CAV3: variants seen among roughly 807,000 people sequenced by gnomAD.
CAV3 encodes caveolin 3.
In CAV3, 10 loss-of-function variants were observed where a neutral mutation model predicts 13.4. The observed-to-expected ratio is 0.75, with a 90% CI of 0.46 to 1.27. CAV3 has a LOEUF of 1.27. CAV3 is among the 50% of genes most tolerant of loss of function. CAV3 has a pLI of 0.00. For synonymous variants in CAV3, 90 were observed against 79.0 expected (o/e 1.14, Z -0.74); for missense variants, 162 against 194.0 (o/e 0.83, Z 0.98).
intron 1 of CAV3, among the ~76,000 whole-genome samples, chr3:8,740,341 T>A (rs1707915034): frequency 6.8e-6 from 1 of 146,118 alleles, no homozygotes; most frequent in Admixed American, 6.9e-5. Flanking sequence ...TAATGGAGGG[T>A]CATCTTTGGA....
intron 1 of CAV3, among the ~76,000 whole-genome samples, chr3:8,740,523 T>C (rs1707921132): frequency 6.6e-6 from 1 of 152,118 alleles, no homozygotes. Flanking sequence ...CAGGGCTTAG[T>C]GGATTGCTGA....
At chr3:8,743,688 C>A (rs566026007) in intron 1 of CAV3, among the ~76,000 whole-genome samples, 1 of 152,138 alleles carries the variant, frequency 6.6e-6, no homozygotes, top group African/African-American at 2.4e-5. Flanking sequence ...AGCCTCAGAG[C>A]ACAGGGGGAT....
chr3:8,734,087 C>G (rs1188469811), intron 1 of CAV3, 97 bp downstream of exon 1: 3 of 736,738 alleles, frequency 4.1e-6, no homozygotes, highest in Non-Finnish European at 7.4e-6. Flanking sequence ...ACACAGTTTC[C>G]CTGAAAAGAG....
At chr3:8,735,328 T>C (rs1707716428) in intron 1 of CAV3, among the ~76,000 whole-genome samples, 2 of 152,246 alleles carry the variant, frequency 1.3e-5, no homozygotes, top group South Asian at 4.1e-4. Flanking sequence ...CAATGAGCTA[T>C]TGTACAGTCT....
chr3:8,743,542 TGGGGG>T (rs1708046940), intron 1 of CAV3, among the ~76,000 whole-genome samples: 1 of 152,196 alleles, frequency 6.6e-6, no homozygotes, highest in Non-Finnish European at 1.5e-5. Flanking sequence ...CAGAGAAAGC[TGGGGG>T]CCAAGATTAT....
At chr3:8,741,285 A>G (rs1306948538) in intron 1 of CAV3, among the ~76,000 whole-genome samples, 1 of 152,238 alleles carries the variant, frequency 6.6e-6, no homozygotes, top group African/African-American at 2.4e-5. Flanking sequence ...TACAAGCACC[A>G]ATGTTTATTG....
intron 1 of CAV3, among the ~76,000 whole-genome samples, chr3:8,736,697 C>T (rs1482846853): frequency 3.3e-5 from 5 of 152,210 alleles, no homozygotes; most frequent in Admixed American, 6.5e-5. Context: ...AGCGGCTTTA[C>T]GCAGCCCTCC....
chr3:8,744,368 T>A (rs1575475854), intron 1 of CAV3, among the ~76,000 whole-genome samples: 1 of 139,812 alleles, frequency 7.2e-6, no homozygotes, highest in Admixed American at 7.5e-5. Context: ...AAGCCCCGCC[T>A]CCCGGGTTTA....
In CAV3 at chr3:8,745,401, G is replaced by A; in HGVS notation, c.115-125G>A. On this transcript the variant is annotated intron_variant, in intron 1 of 1. Coordinates refer to ENST00000343849, the MANE Select transcript of CAV3 (RefSeq NM_033337.3). The surrounding 1 kb of genome is among the most constrained non-coding windows in gnomAD (Gnocchi z 4.8). ...AGCAATGCAAGAATAGCCTAATACA[G>A]GTAGGGTCCAGCCACCAAGGTTAAC... 3 of 723,194 alleles carry A rather than the reference G, an allele frequency of 4.1e-6. No homozygotes were observed. The South Asian group carries it at 4.5e-5, about 11-fold the overall frequency. 44.8% of individuals were successfully genotyped at this position (723,194 alleles called of 1,614,324 possible).
At chr3:8,742,187 T>C (rs1375795820) in intron 1 of CAV3, among the ~76,000 whole-genome samples, 1 of 152,040 alleles carries the variant, frequency 6.6e-6, no homozygotes, top group Non-Finnish European at 1.5e-5. Context: ...CAAAGCTCTC[T>C]CAATGCTCAA....
rs369281001 is a variant in CAV3 at position 8,739,210 on chromosome 3, G to A, written c.114+5220G>A. ...TCAAAATGCAGTCCACTTTCCCAGGGTCCAGTGGTGGGGGCACTTACTAAA... is the reference window on the plus strand; with the variant it reads ...TCAAAATGCAGTCCACTTTCCCAGGATCCAGTGGTGGGGGCACTTACTAAA... On this transcript the variant is annotated intron_variant, in intron 1 of 1. Transcript: ENST00000343849. Among the ~76,000 whole-genome samples the A allele has an allele frequency of 9.2e-5, 14 of 152,196 alleles. 1 individual carries two copies. In the East Asian group the frequency reaches 1.9e-3, roughly 21 times the overall value.
Position 8,744,662 on chromosome 3 carries a change from C to G in CAV3, c.115-864C>G, listed in dbSNP as rs950436363. Among the ~76,000 whole-genome samples the G allele has an allele frequency of 2.6e-5, 4 of 152,006 alleles. No homozygotes were observed. In the East Asian group the frequency reaches 5.8e-4, roughly 22 times the overall value. ...AAGGTGCTTCATGCATAGCAGGGCTCGAGAGAGCTTAGGTAAGCGATGTGA... is the reference window on the plus strand; with the variant it reads ...AAGGTGCTTCATGCATAGCAGGGCTGGAGAGAGCTTAGGTAAGCGATGTGA... On this transcript the variant is annotated intron_variant, in intron 1 of 1. Coordinates refer to ENST00000343849, the MANE Select transcript of CAV3 (RefSeq NM_033337.3).
At chr3:8,737,114 G>A (rs1402925708) in intron 1 of CAV3, among the ~76,000 whole-genome samples, 1 of 152,188 alleles carries the variant, frequency 6.6e-6, no homozygotes, top group East Asian at 1.9e-4. Context: ...AAAAGGGAAT[G>A]AGGGAGACAG....
At chr3:8,734,027 G>A in intron 1 of CAV3, 37 bp downstream of exon 1, 1 of 1,284,514 alleles carries the variant, frequency 7.8e-7, no homozygotes, top group South Asian at 1.2e-5. Context: ...GGCGGAGAGT[G>A]TCAGGTTTGC....
intron 1 of CAV3, among the ~76,000 whole-genome samples, chr3:8,740,772 G>A (rs901162052): frequency 6.6e-6 from 1 of 152,194 alleles, no homozygotes; most frequent in Non-Finnish European, 1.5e-5. Context: ...CCTGAAGGAG[G>A]AGTCACAGAT....
At chr3:8,734,091 A>G in intron 1 of CAV3, 101 bp downstream of exon 1, 1 of 729,318 alleles carries the variant, frequency 1.4e-6, no homozygotes, top group South Asian at 1.5e-5. Context: ...AGTTTCCCTG[A>G]AAAGAGACTT....
At chr3:8,743,411 C>T (rs1347761014) in intron 1 of CAV3, among the ~76,000 whole-genome samples, 1 of 152,112 alleles carries the variant, frequency 6.6e-6, no homozygotes, top group African/African-American at 2.4e-5. Flanking sequence ...CAGCCACCAC[C>T]TCCTGGAAGC....
At chr3:8,734,529 C>T (rs1707683577) in intron 1 of CAV3, among the ~76,000 whole-genome samples, 1 of 152,196 alleles carries the variant, frequency 6.6e-6, no homozygotes, top group Non-Finnish European at 1.5e-5. Flanking sequence ...CCCCCTCACC[C>T]CAGGTCTAGT....
chr3:8,742,411 T>C (rs1377402741), intron 1 of CAV3: 2 of 389,202 alleles, frequency 5.1e-6, no homozygotes, highest in Admixed American at 3.2e-5. Flanking sequence ...AAAAGACACA[T>C]ACAGAAGCCA....
Sources: allele counts gnomAD v4.1 joint callset (sites outside exome capture counted in the v4.1 genomes callset), GRCh38; gene constraint gnomAD v4.1.1; non-coding constraint Gnocchi (gnomAD v3.1); transcripts MANE v1.5; gene names NCBI Gene and HGNC (gene_info 2026-07-23, HGNC 2026-07-21).